Variants in GLT8D2 observed in about 807,000 individuals in gnomAD.
GLT8D2 encodes the protein glycosyltransferase 8 domain-containing protein 2.
GLT8D2 carries 45 observed loss-of-function variants against 44.5 expected under a neutral mutation model. That is an observed-to-expected ratio of 1.01 (90% CI 0.80 to 1.30). The LOEUF (loss-of-function observed/expected upper bound fraction) is 1.30. Ranked by LOEUF, GLT8D2 falls within the 50% of genes most tolerant of loss-of-function variation. GLT8D2 has a pLI of 0.00. For missense variants in GLT8D2, 400 were observed against 430.4 expected (o/e 0.93, Z 0.62); for synonymous variants, 156 against 157.2 (o/e 0.99, Z 0.06).
At chr12:104,035,238 TA>T (rs966683710) in intron 1 of GLT8D2, among the ~76,000 whole-genome samples, 1 of 152,190 alleles carries the variant, frequency 6.6e-6, no homozygotes, top group African/African-American at 2.4e-5. Context: ...CTGAAAATTC[TA>T]AAAACCAGAG....
intron 4 of GLT8D2, among the ~76,000 whole-genome samples, chr12:104,012,107 T>C (rs114759329): frequency 0.016 from 2,262 of 141,076 alleles, 60 homozygotes; most frequent in African/African-American, 0.057. Flanking sequence ...GAGGCAGAGG[T>C]AGTGGTGAGC....
At chr12:104,046,984 C>T (rs1881219676) in intron 1 of GLT8D2, among the ~76,000 whole-genome samples, 1 of 152,100 alleles carries the variant, frequency 6.6e-6, no homozygotes, top group African/African-American at 2.4e-5. Flanking sequence ...ACCACCACCA[C>T]ATCCAGCTAA....
At chr12:104,012,211 TAC>T (rs1875960695) in intron 4 of GLT8D2, among the ~76,000 whole-genome samples, 1 of 143,050 alleles carries the variant, frequency 7.0e-6, no homozygotes, top group East Asian at 2.1e-4. Flanking sequence ...TATATATATA[TAC>T]CTTAAACACT....
intron 1 of GLT8D2, among the ~76,000 whole-genome samples, chr12:104,042,394 A>G (rs1880657862): frequency 6.6e-6 from 1 of 152,200 alleles, no homozygotes; most frequent in Non-Finnish European, 1.5e-5. Context: ...AATGCCATCA[A>G]TACCTACCTC....
intron 3 of GLT8D2, among the ~76,000 whole-genome samples, chr12:104,017,246 A>C (rs1287374762): frequency 6.6e-6 from 1 of 152,050 alleles, no homozygotes; most frequent in African/African-American, 2.4e-5. Flanking sequence ...ATAGGAAATC[A>C]TTCTGTTTTC....
intron 5 of GLT8D2, among the ~76,000 whole-genome samples, chr12:104,002,104 A>G (rs1189827632): frequency 6.6e-6 from 1 of 152,048 alleles, no homozygotes; most frequent in Admixed American, 6.6e-5. Context: ...GCCTCCCGCT[A>G]TGTATCACCA....
rs550475629 is a variant in GLT8D2 at position 104,012,963 on chromosome 12, C to G, written c.112+2050G>C. 42 of 551,290 alleles carry G rather than the reference C, an allele frequency of 7.6e-5. No individual in the cohort carries two copies. The East Asian group carries it at 1.3e-3, about 17-fold the overall frequency. The allele number at this position is 551,290 out of a possible 1,614,324, so 34.1% of individuals were successfully genotyped here. A position where few individuals can be genotyped will look rare whatever the true frequency, so the allele number is the denominator to read the frequency against. On this transcript the variant is annotated intron_variant, in intron 4 of 10. Transcript: ENST00000360814. ...GAGAGAGGCCTCAGGAGAAACAAAA[C>G]CTGCTCACACCTTGATCCTGGACTT...
intron 1 of GLT8D2, among the ~76,000 whole-genome samples, chr12:104,058,598 C>A (rs546062661): frequency 8.5e-5 from 13 of 152,214 alleles, no homozygotes; most frequent in African/African-American, 3.1e-4. Context: ...ATCTGAGGTT[C>A]AAAGAGGATA....
intron 3 of GLT8D2, among the ~76,000 whole-genome samples, chr12:104,017,120 A>G (rs1049988869): frequency 6.6e-6 from 1 of 152,204 alleles, no homozygotes; most frequent in African/African-American, 2.4e-5. Context: ...TTTAATCAGC[A>G]TATGAGAAAG....
chr12:104,016,717 A>AAGAAAGAAAGAAAGAG (rs1330298128), intron 3 of GLT8D2, among the ~76,000 whole-genome samples: 1 of 41,246 alleles, frequency 2.4e-5, no homozygotes, highest in East Asian at 7.3e-4. Context: ...GAGAGAAAGA[A>AAGAAAGAAAGAAAGAG]AGAAAGAAAG....
At position 104,045,935 on chromosome 12, in the gene GLT8D2, GAA is replaced by G. The variant is rs756563514; in HGVS notation, c.-164+3958_-164+3959del. Among the ~76,000 whole-genome samples, 318 of 111,844 alleles carry G rather than the reference GAA, an allele frequency of 2.8e-3. 4 individuals carry two copies. Among genetic ancestry groups the G allele is most frequent in the East Asian group, 0.019 (68 of 3,604 alleles). 73.4% of individuals were successfully genotyped at this position (111,844 alleles called of 152,430 possible). A position where few individuals can be genotyped will look rare whatever the true frequency, so the allele number is the denominator to read the frequency against. ...AGAAAGAAAGAAAGAAAGAAAGAAA[GAA>G]AAAGAAAGAAAGAAAGAAAATAAGA... On this transcript the variant is annotated intron_variant, in intron 1 of 10. Transcript: ENST00000360814.
At chr12:104,005,413 G>A (rs946191357) in intron 4 of GLT8D2, among the ~76,000 whole-genome samples, 102 of 152,094 alleles carry the variant, frequency 6.7e-4, no homozygotes, top group Admixed American at 1.2e-3. Context: ...GCTTCTGCAC[G>A]GCAAAAGAAA....
Position 103,994,210 on chromosome 12 carries a change from C to T in GLT8D2, c.767+125G>A, listed in dbSNP as rs142068568. 2,800 of 815,346 alleles carry T rather than the reference C, an allele frequency of 3.4e-3. 25 individuals carry two copies. The highest frequency in any genetic ancestry group is 0.02 in the Middle Eastern group (52 of 2,648). 50.5% of individuals were successfully genotyped at this position (815,346 alleles called of 1,614,324 possible). On this transcript the variant is annotated intron_variant, in intron 9 of 10. Coordinates refer to ENST00000360814, the MANE Select transcript of GLT8D2 (RefSeq NM_001384711.1). ...GCCCCCTTTTCTTTCTTAACATTGC[C>T]TCTGTAAGAAAATCTGACCTGAGAT...
intron 1 of GLT8D2, chr12:104,031,557 A>G (rs3953586): frequency 0.019 from 29,877 of 1,570,036 alleles, 1,709 homozygotes; most frequent in African/African-American, 0.16. Flanking sequence ...CCGGCGGGGA[A>G]GATACTGTCC....
At chr12:104,024,414 C>A (rs1484072823) in intron 1 of GLT8D2, among the ~76,000 whole-genome samples, 1 of 151,790 alleles carries the variant, frequency 6.6e-6, no homozygotes, top group Non-Finnish European at 1.5e-5. Flanking sequence ...GCCCCGGTGA[C>A]AGAGAGAGAC....
intron 1 of GLT8D2, among the ~76,000 whole-genome samples, chr12:104,059,572 G>A (rs1010592787): frequency 1.3e-5 from 2 of 152,256 alleles, no homozygotes; most frequent in Non-Finnish European, 2.9e-5. Flanking sequence ...GCCACAACAA[G>A]TTGAGGGAAG....
At chr12:104,038,522 T>G (rs1880175023) in intron 1 of GLT8D2, among the ~76,000 whole-genome samples, 1 of 152,034 alleles carries the variant, frequency 6.6e-6, no homozygotes, top group African/African-American at 2.4e-5. Flanking sequence ...GAGAGCCAAA[T>G]CATGAGTGAA....
chr12:104,026,806 T>G (rs968880541), intron 1 of GLT8D2, among the ~76,000 whole-genome samples: 1 of 152,214 alleles, frequency 6.6e-6, no homozygotes, highest in Non-Finnish European at 1.5e-5. Flanking sequence ...TGAAAAACAA[T>G]TTGTCTTGAA....
upstream of GLT8D2, chr12:104,064,414 C>A (rs1229590811): frequency 2.8e-6 from 2 of 708,092 alleles, no homozygotes; most frequent in Admixed American, 4.3e-5. This position sits in a 1 kb window ranked among gnomAD's most constrained non-coding sequence, Gnocchi z 7.3. Flanking sequence ...CAGCGTCTCT[C>A]CACTGCCCGC....
Sources: allele counts gnomAD v4.1 joint callset (sites outside exome capture counted in the v4.1 genomes callset), GRCh38; gene constraint gnomAD v4.1.1; non-coding constraint Gnocchi (gnomAD v3.1); transcripts MANE v1.5; gene names NCBI Gene and HGNC (gene_info 2026-07-23, HGNC 2026-07-21).